The following BLTP3B variants were observed in gnomAD, a reference collection of about 807,000 sequenced individuals.
BLTP3B encodes the protein bridge-like lipid transfer protein family member 3B, also known as UHRF1 (ICBP90) binding protein 1-like.
chr12:100,037,094 T>C, the BLTP3B span: 6 of 884,992 alleles, frequency 6.8e-6, no homozygotes, highest in Non-Finnish European at 8.1e-6. Flanking sequence ...ATTAATTATA[T>C]AGTTTATTGA....
At chr12:100,119,429 A>T in the BLTP3B span, among the ~76,000 whole-genome samples, 2 of 152,184 alleles carry the variant, frequency 1.3e-5, no homozygotes, top group African/African-American at 2.4e-5. Context: ...CTTTTTTGAG[A>T]GAAATGACAT....
At chr12:100,091,234 G>A in the BLTP3B span, among the ~76,000 whole-genome samples, 1 of 141,786 alleles carries the variant, frequency 7.1e-6, no homozygotes, top group African/African-American at 2.6e-5. Context: ...CTGTCACCCA[G>A]GCTGGAGTGT....
the BLTP3B span, among the ~76,000 whole-genome samples, chr12:100,048,409 GTTT>G: frequency 1.3e-5 from 2 of 151,706 alleles, no homozygotes; most frequent in East Asian, 1.9e-4. Flanking sequence ...TGTATTTTCT[GTTT>G]TTTTGATAAC....
the BLTP3B span, among the ~76,000 whole-genome samples, chr12:100,101,422 G>C: frequency 6.6e-6 from 1 of 152,144 alleles, no homozygotes; most frequent in Non-Finnish European, 1.5e-5. Flanking sequence ...CTCAAGAAAA[G>C]TTTTATCAAT....
the BLTP3B span, among the ~76,000 whole-genome samples, chr12:100,063,654 C>T: frequency 6.7e-6 from 1 of 149,882 alleles, no homozygotes; most frequent in African/African-American, 2.5e-5. Flanking sequence ...TGCGGTAAGC[C>T]TAGATTGTGC....
chr12:100,078,545 C>T, the BLTP3B span, among the ~76,000 whole-genome samples: 4 of 152,032 alleles, frequency 2.6e-5, no homozygotes, highest in East Asian at 1.9e-4. Context: ...AGCCTAGTTG[C>T]GTTAAGAGGG....
At chr12:100,114,215 AT>A in the BLTP3B span, among the ~76,000 whole-genome samples, 3 of 152,146 alleles carry the variant, frequency 2.0e-5, no homozygotes, top group Non-Finnish European at 2.9e-5. Context: ...CACATCTAAG[AT>A]TTTTTTAACA....
the BLTP3B span, among the ~76,000 whole-genome samples, chr12:100,074,120 A>G: frequency 6.6e-6 from 1 of 152,194 alleles, no homozygotes; most frequent in African/African-American, 2.4e-5. Flanking sequence ...AGAAAATGCT[A>G]AACTCCACGA....
At chr12:100,110,552 C>T in the BLTP3B span, among the ~76,000 whole-genome samples, 46 of 152,204 alleles carry the variant, frequency 3.0e-4, no homozygotes, top group African/African-American at 1.1e-3. Context: ...GGAAGCAGTA[C>T]ACTTGAGGTC....
chr12:100,050,944 C>G, the BLTP3B span: 1 of 1,242,116 alleles, frequency 8.1e-7, no homozygotes, highest in South Asian at 1.6e-5. Flanking sequence ...TTTTCAAGAA[C>G]AAAAGCTGCA....
chr12:100,066,982 T>C, the BLTP3B span, among the ~76,000 whole-genome samples: 59 of 152,186 alleles, frequency 3.9e-4, no homozygotes, highest in African/African-American at 1.4e-3. Context: ...TGAAATTATA[T>C]CAAGCACTCT....
the BLTP3B span, chr12:100,047,930 T>C: frequency 6.9e-7 from 1 of 1,447,340 alleles, no homozygotes; most frequent in Non-Finnish European, 9.1e-7. Context: ...TATAAAATTA[T>C]TTATTAACAT....
At chr12:100,061,499 T>C in the BLTP3B span, among the ~76,000 whole-genome samples, 3 of 151,746 alleles carry the variant, frequency 2.0e-5, no homozygotes, top group Admixed American at 6.6e-5. Context: ...CTACTAAAAA[T>C]GCAAAAAATT....
the BLTP3B span, among the ~76,000 whole-genome samples, chr12:100,121,371 A>C: frequency 1.3e-5 from 2 of 151,310 alleles, no homozygotes; most frequent in African/African-American, 4.9e-5. Context: ...AAAAAAAAAA[A>C]AACAGAAAAT....
the BLTP3B span, among the ~76,000 whole-genome samples, chr12:100,088,250 C>T: frequency 6.6e-6 from 1 of 152,154 alleles, no homozygotes; most frequent in Admixed American, 6.5e-5. Flanking sequence ...GAATTATAGT[C>T]CTTAAGGTAG....
chr12:100,044,271 C>A, the BLTP3B span, among the ~76,000 whole-genome samples: 1 of 152,122 alleles, frequency 6.6e-6, no homozygotes, highest in Admixed American at 6.6e-5. Context: ...TCCAGTTGTT[C>A]CCAAACTACA....
chr12:100,082,940 A>G, the BLTP3B span: 2 of 1,000,682 alleles, frequency 2.0e-6, no homozygotes, highest in Non-Finnish European at 1.5e-6. Context: ...ATAAAATGGT[A>G]GCATTTGTTA....
the BLTP3B span, among the ~76,000 whole-genome samples, chr12:100,124,775 A>G: frequency 6.6e-6 from 1 of 150,854 alleles, no homozygotes; most frequent in Non-Finnish European, 1.5e-5. Flanking sequence ...AATAAAAATT[A>G]GCTGGGCATG....
chr12:100,074,814 T>C, the BLTP3B span, among the ~76,000 whole-genome samples: 1 of 152,102 alleles, frequency 6.6e-6, no homozygotes, highest in African/African-American at 2.4e-5. Flanking sequence ...CAAAATGGCA[T>C]GGTACTGATA....
Sources: gnomAD v4.1 joint callset for allele counts (sites outside exome capture counted in the v4.1 genomes callset) on GRCh38, gnomAD v4.1.1 for gene constraint, MANE v1.5 for transcripts, NCBI Gene and HGNC (gene_info 2026-07-23, HGNC 2026-07-21) for gene names.